The following THSD7B variants were observed in gnomAD, a reference collection of about 807,000 sequenced individuals.
THSD7B encodes the protein thrombospondin type 1 domain containing 7B, also known as thrombospondin type-1 domain-containing protein 7B.
THSD7B carries 138 observed loss-of-function variants against 213.6 expected under a neutral mutation model. The ratio of observed to expected loss-of-function variants is 0.65; its 90% CI spans 0.56 to 0.74. The LOEUF is 0.74. Among genes scored for constraint, THSD7B ranks in the 30% least tolerant of loss-of-function variants. THSD7B has a pLI of 0.00. For missense variants in THSD7B, 1,931 were observed against 1,991.5 expected (o/e 0.97, Z 0.58); for synonymous variants, 742 against 687.0 (o/e 1.08, Z -1.25).
intron 14 of THSD7B, among the ~76,000 whole-genome samples, chr2:137,415,055 C>CAAGAAAAA (rs1686762650): frequency 8.1e-6 from 1 of 122,806 alleles, no homozygotes; most frequent in Non-Finnish European, 1.7e-5. Context: ...GACCCTGTCT[C>CAAGAAAAA]AAAAAAAAAA....
At chr2:137,168,575 G>A (rs532770993) in intron 6 of THSD7B, among the ~76,000 whole-genome samples, 2 of 152,236 alleles carry the variant, frequency 1.3e-5, no homozygotes, top group East Asian at 3.9e-4. Context: ...TAGATTTATG[G>A]CAAGATGGAT....
At chr2:136,984,141 C>T (rs1685632035) in intron 2 of THSD7B, among the ~76,000 whole-genome samples, 1 of 152,180 alleles carries the variant, frequency 6.6e-6, no homozygotes, top group Non-Finnish European at 1.5e-5. Flanking sequence ...AAGGTCATAC[C>T]TATTGAAATG....
chr2:137,034,524 G>A (rs369002850), intron 2 of THSD7B, among the ~76,000 whole-genome samples: 51 of 152,152 alleles, frequency 3.4e-4, no homozygotes, highest in East Asian at 2.1e-3. Flanking sequence ...TTATTAACCC[G>A]TCATCTAGGT....
chr2:137,111,274 G>A (rs1688341536), intron 4 of THSD7B, among the ~76,000 whole-genome samples: 1 of 152,044 alleles, frequency 6.6e-6, no homozygotes, highest in Admixed American at 6.6e-5. Context: ...ACACTTCCTC[G>A]GACCAAGATC....
Position 136,945,028 on chromosome 2 carries a change from G to T in THSD7B, c.139+62711G>T, listed in dbSNP as rs187510363. Among the ~76,000 whole-genome samples the T allele has an allele frequency of 6.9e-3, 1,056 of 152,196 alleles. 8 individuals are homozygous for T. Among genetic ancestry groups the T allele is most frequent in the Middle Eastern group, 0.017 (5 of 294 alleles). On this transcript the variant is annotated intron_variant, in intron 2 of 27. Transcript: ENST00000409968. ...GCATGTTTTTGCAGTGGCTGGTACC[G>T]GTTGTTCCTTTCCATTTTTAGTGCC... is the stretch of plus-strand genomic sequence containing the variant.
At chr2:136,849,560 A>G (rs1683063621) in intron 1 of THSD7B, among the ~76,000 whole-genome samples, 1 of 152,104 alleles carries the variant, frequency 6.6e-6, no homozygotes, top group Admixed American at 6.6e-5. Context: ...GGGAACAGGG[A>G]TGTCCTGTCC....
At chr2:137,041,360 G>C (rs1004030115) in intron 2 of THSD7B, among the ~76,000 whole-genome samples, 3 of 152,002 alleles carry the variant, frequency 2.0e-5, no homozygotes, top group Admixed American at 6.6e-5. Context: ...TCATTGAGGT[G>C]ATACATATTA....
chr2:137,153,878 G>C lies in THSD7B; in HGVS notation c.1370-6335G>C, dbSNP rs548178253. Among the ~76,000 whole-genome samples, 16 of 152,138 alleles carry C rather than the reference G, an allele frequency of 1.1e-4. No homozygotes were observed. In the South Asian group the frequency reaches 3.3e-3, roughly 32 times the overall value. On this transcript the variant is annotated intron_variant, in intron 5 of 27. Coordinates refer to ENST00000409968, the MANE Select transcript of THSD7B (RefSeq NM_001316349.2). ...TTTACATAAGTAGGCTCTTTCATTAGTTTCAAATTAAATTTGAGCAATTGC... is the reference window on the plus strand; with the variant it reads ...TTTACATAAGTAGGCTCTTTCATTACTTTCAAATTAAATTTGAGCAATTGC...
At chr2:136,909,850 C>T (rs1357218088) in intron 2 of THSD7B, among the ~76,000 whole-genome samples, 1 of 152,084 alleles carries the variant, frequency 6.6e-6, no homozygotes, top group Non-Finnish European at 1.5e-5. Flanking sequence ...TCTAGTTTTG[C>T]TATTGTTACT....
rs534817248 is a variant in THSD7B, at chr2:136,834,339, C to A, written c.-35-47805C>A. Among the ~76,000 whole-genome samples, 21 of 152,296 alleles carry A rather than the reference C, an allele frequency of 1.4e-4. 1 individual carries two copies. The East Asian group carries it at 4.0e-3, about 29-fold the overall frequency. The stretch of plus-strand genomic sequence containing the variant: ...ATGGTCCTTTGCTGCTCTTTGTCAA[C>A]CTGAGAGTTGACTTTTGAATGCTGA... On this transcript the variant is annotated intron_variant, in intron 1 of 27. Transcript: ENST00000409968.
intron 2 of THSD7B, among the ~76,000 whole-genome samples, chr2:136,912,644 G>A (rs1365354478): frequency 6.6e-6 from 1 of 152,106 alleles, no homozygotes; most frequent in African/African-American, 2.4e-5. Context: ...ATTGGATTAT[G>A]GGGGCCAGTT....
intron 12 of THSD7B, among the ~76,000 whole-genome samples, chr2:137,341,500 AAAAC>A (rs1193663635): frequency 2.6e-5 from 4 of 151,632 alleles, no homozygotes; most frequent in East Asian, 1.9e-4. Context: ...GTCAAATAAA[AAAAC>A]AAACAAAAAA....
intron 7 of THSD7B, among the ~76,000 whole-genome samples, chr2:137,179,218 C>T (rs1430089671): frequency 2.0e-5 from 3 of 152,122 alleles, no homozygotes; most frequent in Non-Finnish European, 4.4e-5. Context: ...TTTCATCTTC[C>T]CCCCAGACAT....
intron 27 of THSD7B, among the ~76,000 whole-genome samples, chr2:137,669,059 G>A (rs1683509585): frequency 6.6e-6 from 1 of 151,984 alleles, no homozygotes. Flanking sequence ...TCAGCTTTCT[G>A]AGCAGAAGTT....
intron 21 of THSD7B, among the ~76,000 whole-genome samples, chr2:137,648,745 ATG>A (rs138661553): frequency 1.3e-4 from 20 of 151,496 alleles, no homozygotes; most frequent in East Asian, 3.9e-4. Flanking sequence ...GAGTATATAA[ATG>A]TGTGTGTGTG....
chr2:137,118,959 G>A (rs576835295), intron 5 of THSD7B, among the ~76,000 whole-genome samples: 43 of 152,244 alleles, frequency 2.8e-4, no homozygotes, highest in African/African-American at 8.9e-4. Flanking sequence ...CAGATCTCAT[G>A]AGACTTATTC....
intron 2 of THSD7B, among the ~76,000 whole-genome samples, chr2:137,021,269 G>A (rs1228528472): frequency 6.6e-6 from 1 of 152,136 alleles, no homozygotes; most frequent in Non-Finnish European, 1.5e-5. Context: ...CATTTGAAAT[G>A]TTACGAGTAT....
intron 12 of THSD7B, among the ~76,000 whole-genome samples, chr2:137,334,523 C>G (rs1317941940): frequency 2.0e-5 from 3 of 152,136 alleles, no homozygotes; most frequent in African/African-American, 7.2e-5. Flanking sequence ...ATATTAACTC[C>G]TCTGCATGCC....
chr2:137,248,851 A>T (rs1422428501), intron 10 of THSD7B, among the ~76,000 whole-genome samples: 1 of 152,180 alleles, frequency 6.6e-6, no homozygotes, highest in Non-Finnish European at 1.5e-5. Context: ...TTTCTTCTGT[A>T]AACTTTAGAT....
Sources: allele counts gnomAD v4.1 joint callset (sites outside exome capture counted in the v4.1 genomes callset), GRCh38; gene constraint gnomAD v4.1.1; transcripts MANE v1.5; gene names NCBI Gene and HGNC (gene_info 2026-07-23, HGNC 2026-07-21).